Variants in EIF4EBP2 observed in about 807,000 individuals in gnomAD.
The protein encoded by EIF4EBP2 is eukaryotic translation initiation factor 4E binding protein 2, also known as eukaryotic translation initiation factor 4E-binding protein 2.
In EIF4EBP2, 5 loss-of-function variants were observed where a neutral mutation model predicts 10.3. That is an observed-to-expected ratio of 0.48 (90% CI 0.25 to 1.02). The LOEUF (loss-of-function observed/expected upper bound fraction) is 1.02, where lower values mean the gene tolerates loss of function less well. Ranked by LOEUF, EIF4EBP2 falls within the 50% of genes least tolerant of loss-of-function variation. The probability of loss-of-function intolerance (pLI) is 0.15; values close to 1 mark genes in which losing one functional copy is unlikely to be tolerated. For missense variants in EIF4EBP2, 188 were observed against 162.2 expected, an observed-to-expected ratio of 1.16 and a Z score of -0.86; for synonymous variants, 67 against 61.1, an observed-to-expected ratio of 1.10 and a Z score of -0.45.
chr10:70,407,214 A>G (rs1360654890), intron 1 of EIF4EBP2, among the ~76,000 whole-genome samples: 1 of 151,794 alleles, frequency 6.6e-6, no homozygotes, highest in African/African-American at 2.4e-5. Context: ...TCAGCAGATA[A>G]ACAAGTGAAC....
At chr10:70,404,781 G>C (rs903758688) in intron 1 of EIF4EBP2, among the ~76,000 whole-genome samples, 1 of 152,246 alleles carries the variant, frequency 6.6e-6, no homozygotes, top group Admixed American at 6.5e-5. Flanking sequence ...GCGAAAAAGA[G>C]CTCTTGTTTC....
Position 70,404,516 on chromosome 10 carries a change from G to A in EIF4EBP2, c.115G>A (p.Gly39Arg). The A allele has an allele frequency of 1.3e-6, 2 of 1,589,050 alleles. No individual in the cohort carries two copies. The highest frequency in any genetic ancestry group is 1.7e-6 in the Non-Finnish European group (2 of 1,170,924). The change falls in exon 1 of 3, where the codon GGG becomes AGG. Residue 39 changes from glycine (G) to arginine (R), a missense_variant. Physicochemically the swap from Gly to Arg is moderately radical, Grantham distance 125. Coordinates refer to ENST00000373218, the MANE Select transcript of EIF4EBP2 (RefSeq NM_004096.5). ...QLPHDYCTTP[G>R]GTLFSTTPGG... ...ACCTCATGACTATTGCACCACGCCCGGGGGGACGCTCTTCTCCACCACACC... is the reference window on the plus strand; with the variant it reads ...ACCTCATGACTATTGCACCACGCCCAGGGGGACGCTCTTCTCCACCACACC...
In EIF4EBP2 at chr10:70,419,933, CAG is replaced by C; in HGVS notation, c.167_168del (p.Arg56LysfsTer27). ...TTCCAGGAACTCGAATCATTTATGA[CAG>C]AAAGTTTCTGTTGGATCGTCGCAAT... ...TPGGTRIIYDRKFLLDRRNSP... is the reference protein window; with the variant it reads ...TPGGTRIIYDXKFLLDRRNSP... On this transcript the variant is annotated frameshift_variant, in exon 2 of 3. Transcript: ENST00000373218. LOFTEE classifies it high-confidence loss of function. 5.0e-6 allele frequency: 8 copies of C among 1,585,302 alleles called. No homozygotes were observed. The highest frequency in any genetic ancestry group is 1.9e-5 in the Admixed American group (1 of 52,576).
At chr10:70,409,635 CTT>C (rs1288982209) in intron 1 of EIF4EBP2, among the ~76,000 whole-genome samples, 1 of 152,202 alleles carries the variant, frequency 6.6e-6, no homozygotes, top group Non-Finnish European at 1.5e-5. Flanking sequence ...TTTAAAGAGA[CTT>C]TTCTACCTCT....
In EIF4EBP2 at chr10:70,404,353, C is replaced by G; in HGVS notation, c.-49C>G. 1.3e-6 allele frequency: 2 copies of G among 1,488,564 alleles called. No individual in the cohort carries two copies. The highest frequency in any genetic ancestry group is 2.9e-5 in the East Asian group (1 of 34,524). 92.2% of individuals were successfully genotyped at this position (1,488,564 alleles called of 1,614,324 possible). On this transcript the variant is annotated 5_prime_UTR_variant, in exon 1 of 3. Transcript: ENST00000373218. ...AGGAGCCGAAGCAGCCCCGGCCCCGCCGCCGCCGCCTGCCCGCCGGACAAA... is the reference window on the plus strand; with the variant it reads ...AGGAGCCGAAGCAGCCCCGGCCCCGGCGCCGCCGCCTGCCCGCCGGACAAA...
At chr10:70,407,313 ACT>A (rs1299019520) in intron 1 of EIF4EBP2, among the ~76,000 whole-genome samples, 3 of 151,686 alleles carry the variant, frequency 2.0e-5, no homozygotes, top group Non-Finnish European at 4.4e-5. Context: ...AGTGGTGATG[ACT>A]CTTAACGAGC....
chr10:70,415,283 G>A (rs1368315476), intron 1 of EIF4EBP2, among the ~76,000 whole-genome samples: 4 of 152,204 alleles, frequency 2.6e-5, no homozygotes, highest in Non-Finnish European at 5.9e-5. Flanking sequence ...AAACATTGTT[G>A]AAAGAAATTA....
rs1845222190 is a variant in EIF4EBP2 at position 70,428,081 on chromosome 10, A to T, written c.*6334A>T. The T allele has an allele frequency of 6.6e-6, 1 of 150,776 alleles. No homozygotes were observed. Among genetic ancestry groups the T allele is most frequent in the Non-Finnish European group, 1.5e-5 (1 of 67,916 alleles). The allele number at this position is 150,776 out of a possible 1,614,324, so 9.3% of individuals were successfully genotyped here. On this transcript the variant is annotated 3_prime_UTR_variant, in exon 3 of 3. Coordinates refer to ENST00000373218, the MANE Select transcript of EIF4EBP2 (RefSeq NM_004096.5). ...TTGCTGGGTAAGCCATCCTGCTCCT[A>T]CCTGGTGCCTGTATCTACATTGCTG...
intron 1 of EIF4EBP2, among the ~76,000 whole-genome samples, chr10:70,408,180 G>A (rs1168908370): frequency 2.4e-5 from 3 of 127,322 alleles, no homozygotes; most frequent in East Asian, 2.8e-4. Flanking sequence ...CCTCCCTCCC[G>A]GACGGGGCGG....
rs1845175349 is a variant in EIF4EBP2, at chr10:70,423,156, A to AT, written c.*1413dup. 6.6e-6 allele frequency: 1 copy of AT among 152,602 alleles called. No individual in the cohort carries two copies. Among genetic ancestry groups the AT allele is most frequent in the African/African-American group, 2.4e-5 (1 of 41,434 alleles). The allele number at this position is 152,602 out of a possible 1,614,324, so 9.5% of individuals were successfully genotyped here. On this transcript the variant is annotated 3_prime_UTR_variant, in exon 3 of 3. Coordinates refer to ENST00000373218, the MANE Select transcript of EIF4EBP2 (RefSeq NM_004096.5). ...TATTTTTAGATATGTTTTCAGTACA[A>AT]TTTTGAACAGCAACTTTTTAATTAA...
rs1845164834 is a variant in EIF4EBP2 at position 70,422,224 on chromosome 10, G to C, written c.*477G>C. The C allele has an allele frequency of 6.4e-6, 1 of 155,144 alleles. No homozygotes were observed. Among genetic ancestry groups the C allele is most frequent in the Non-Finnish European group, 1.4e-5 (1 of 69,904 alleles). The allele number at this position is 155,144 out of a possible 1,614,324, so 9.6% of individuals were successfully genotyped here. Reference sequence around the variant, plus strand: ...CTCCCTGTATCCCACCTATGGTTCAGTGTTGCAAGAGTCTGGGCTTGGGGT... The same window carrying C: ...CTCCCTGTATCCCACCTATGGTTCACTGTTGCAAGAGTCTGGGCTTGGGGT... On this transcript the variant is annotated 3_prime_UTR_variant, in exon 3 of 3. Transcript: ENST00000373218.
At chr10:70,404,665 G>A in intron 1 of EIF4EBP2, 119 bp downstream of exon 1, 6 of 1,303,100 alleles carry the variant, frequency 4.6e-6, no homozygotes, top group Non-Finnish European at 5.0e-6. Flanking sequence ...CCCCGGGGAC[G>A]CTGCCCTTGG....
chr10:70,414,179 A>G (rs1054102070), intron 1 of EIF4EBP2, among the ~76,000 whole-genome samples: 13 of 152,094 alleles, frequency 8.5e-5, no homozygotes, highest in Admixed American at 7.9e-4. Flanking sequence ...TTTTCCTGCC[A>G]TTTTATCCAT....
At position 70,423,427 on chromosome 10, in the gene EIF4EBP2, C is replaced by A. The variant is rs1016188604; in HGVS notation, c.*1680C>A. 5 of 152,650 alleles carry A rather than the reference C, an allele frequency of 3.3e-5. No individual in the cohort carries two copies. 9.5% of individuals were successfully genotyped at this position (152,650 alleles called of 1,614,324 possible). On this transcript the variant is annotated 3_prime_UTR_variant, in exon 3 of 3. Coordinates refer to ENST00000373218, the MANE Select transcript of EIF4EBP2 (RefSeq NM_004096.5). ...CTTTTGCATTCACCCTCCTTCCCAC[C>A]TACCTGTCCTGGGGCTGTTGAGCAG...
intron 1 of EIF4EBP2, 60 bp from the exon 2 acceptor site, chr10:70,419,854 G>A: frequency 2.6e-6 from 3 of 1,144,580 alleles, no homozygotes; most frequent in Non-Finnish European, 3.7e-6. Flanking sequence ...ATTCCTGGGT[G>A]GTATTATATG....
At position 70,423,228 on chromosome 10, in the gene EIF4EBP2, G is replaced by C. The variant is rs1268897356; in HGVS notation, c.*1481G>C. ...TTGAGAAACGTTCATAGGCAAGTCT[G>C]CTGTTCTATGTCACCATCTTTTGTC... On this transcript the variant is annotated 3_prime_UTR_variant, in exon 3 of 3. Transcript: ENST00000373218. 1 of 152,622 alleles carries C rather than the reference G, an allele frequency of 6.6e-6. No homozygotes were observed. The highest frequency in any genetic ancestry group is 1.9e-4 in the East Asian group (1 of 5,204). The allele number at this position is 152,622 out of a possible 1,614,324, so 9.5% of individuals were successfully genotyped here.
intron 1 of EIF4EBP2, among the ~76,000 whole-genome samples, chr10:70,418,153 CCCTTATA>C: frequency 6.6e-6 from 1 of 152,196 alleles, no homozygotes; most frequent in South Asian, 2.1e-4. Flanking sequence ...GGGATTTGTG[CCCTTATA>C]AGATGGAACA....
intron 1 of EIF4EBP2, among the ~76,000 whole-genome samples, chr10:70,412,979 A>G (rs1340769559): frequency 1.3e-5 from 2 of 152,234 alleles, no homozygotes; most frequent in African/African-American, 4.8e-5. Context: ...GTAGACAGCC[A>G]CTTTCAGCAG....
Position 70,422,746 on chromosome 10 carries a change from G to A in EIF4EBP2, c.*999G>A, listed in dbSNP as rs1282274850. The stretch of plus-strand genomic sequence containing the variant: ...CCCATTTGAGTACCCGGTCTCAGTC[G>A]TCATTTTTAAGTCCAGTGAGCATTG... On this transcript the variant is annotated 3_prime_UTR_variant, in exon 3 of 3. Transcript: ENST00000373218. 3.3e-5 allele frequency: 5 copies of A among 152,134 alleles called. No individual in the cohort carries two copies. The highest frequency in any genetic ancestry group is 9.7e-5 in the African/African-American group (4 of 41,424). 9.4% of individuals were successfully genotyped at this position (152,134 alleles called of 1,614,324 possible). A position where few individuals can be genotyped will look rare whatever the true frequency, so the allele number is the denominator to read the frequency against.
Sources: allele counts gnomAD v4.1 joint callset (sites outside exome capture counted in the v4.1 genomes callset), GRCh38; gene constraint gnomAD v4.1.1; transcripts MANE v1.5; gene names NCBI Gene and HGNC (gene_info 2026-07-23, HGNC 2026-07-21).